The following UBE2G1 variants were observed in gnomAD, a reference collection of about 807,000 sequenced individuals.
UBE2G1 encodes the protein ubiquitin-conjugating enzyme E2 G1.
Under a neutral mutation model 22.7 loss-of-function variants are expected in UBE2G1, and 5 were observed. The ratio of observed to expected loss-of-function variants is 0.22; its 90% CI spans 0.12 to 0.46. UBE2G1 has a LOEUF of 0.46. Ranked by LOEUF, UBE2G1 falls within the 20% of genes least tolerant of loss-of-function variation. UBE2G1 has a pLI of 0.99. For synonymous variants in UBE2G1, 74 were observed against 67.5 expected (o/e 1.10, Z -0.47); for missense variants, 88 against 203.9 (o/e 0.43, Z 3.46).
Position 4,304,564 on chromosome 17 carries a change from C to CGGTT in UBE2G1, c.149+2456_149+2457insAACC, listed in dbSNP as rs747239841. 5.1e-4 allele frequency among the ~76,000 whole-genome samples: 19 copies of CGGTT among 37,370 alleles called. No individual in the cohort carries two copies. The East Asian group carries it at 0.069, about 135-fold the overall frequency. 24.5% of individuals were successfully genotyped at this position (37,370 alleles called of 152,430 possible). A position where few individuals can be genotyped will look rare whatever the true frequency, so the allele number is the denominator to read the frequency against. ...TAGGAGTCTCAAAGTAATCCTTGAA[C>CGGTT]GGTACCGGTTATCAATCACATAGAC... On this transcript the variant is annotated intron_variant, in intron 2 of 5. Transcript: ENST00000396981.
chr17:4,304,801 C>T (rs1175552468), intron 2 of UBE2G1, among the ~76,000 whole-genome samples: 1 of 152,170 alleles, frequency 6.6e-6, no homozygotes, highest in African/African-American at 2.4e-5. Flanking sequence ...CAAGCCTCTA[C>T]TTCCCTTCAC....
At chr17:4,289,188 C>A in intron 4 of UBE2G1, 42 bp downstream of exon 4, 1 of 1,465,590 alleles carries the variant, frequency 6.8e-7, no homozygotes, top group Non-Finnish European at 9.1e-7. Flanking sequence ...GGTTTTATTA[C>A]AAGGGAAAGT....
chr17:4,324,156 TG>T (rs1317791397), intron 1 of UBE2G1, among the ~76,000 whole-genome samples: 1 of 152,156 alleles, frequency 6.6e-6, no homozygotes, highest in Non-Finnish European at 1.5e-5. Context: ...TGATGCAAAA[TG>T]GTATACACAA....
intron 1 of UBE2G1, among the ~76,000 whole-genome samples, chr17:4,362,232 T>TAC (rs1263522442): frequency 6.6e-6 from 1 of 152,206 alleles, no homozygotes; most frequent in Non-Finnish European, 1.5e-5. Context: ...CACAGAGAAA[T>TAC]ACACAACCTA....
intron 1 of UBE2G1, 44 bp from the exon 2 acceptor site, chr17:4,307,167 T>C (rs1969257687): frequency 1.3e-6 from 2 of 1,505,450 alleles, no homozygotes; most frequent in African/African-American, 2.8e-5. Flanking sequence ...AAGCACATAA[T>C]TTGCATCCAG....
chr17:4,287,865 G>A (rs1041752406), intron 4 of UBE2G1, among the ~76,000 whole-genome samples: 11 of 151,830 alleles, frequency 7.2e-5, no homozygotes, highest in Non-Finnish European at 1.6e-4. Flanking sequence ...ACTAGCCTCT[G>A]GATTTAAAAA....
chr17:4,283,698 G>A (rs1434405058), intron 4 of UBE2G1, among the ~76,000 whole-genome samples: 2 of 152,068 alleles, frequency 1.3e-5, no homozygotes. Context: ...TACAAAAATG[G>A]AACAGAACAG....
intron 2 of UBE2G1, among the ~76,000 whole-genome samples, chr17:4,304,953 CTTTTTT>C (rs554912028): frequency 7.3e-6 from 1 of 137,136 alleles, no homozygotes; most frequent in Non-Finnish European, 1.6e-5. Flanking sequence ...TTTTTAAGAA[CTTTTTT>C]TTTTTTTTTT....
At chr17:4,323,466 T>C (rs1406581600) in intron 1 of UBE2G1, among the ~76,000 whole-genome samples, 2 of 152,206 alleles carry the variant, frequency 1.3e-5, no homozygotes, top group East Asian at 3.8e-4. Context: ...TGAAAATGAA[T>C]TAATCAGATA....
At chr17:4,289,524 G>T in intron 3 of UBE2G1, 116 bp from the exon 4 acceptor site, 1 of 1,165,432 alleles carries the variant, frequency 8.6e-7, no homozygotes, top group Non-Finnish European at 1.2e-6. Context: ...TGACACATAC[G>T]CAGAAGTTAA....
chr17:4,366,127 C>T lies in UBE2G1; in HGVS notation c.46+144G>A, dbSNP rs548748268. ...CCGGGCGAGAACGGCTGGGCCCGGCCGGGACCGGAGCCTCGAGGTCCCCAC... is the reference window on the plus strand; with the variant it reads ...CCGGGCGAGAACGGCTGGGCCCGGCTGGGACCGGAGCCTCGAGGTCCCCAC... On this transcript the variant is annotated intron_variant, in intron 1 of 5. Coordinates refer to ENST00000396981, the MANE Select transcript of UBE2G1 (RefSeq NM_003342.5). 2.8e-5 allele frequency: 23 copies of T among 822,744 alleles called. No individual in the cohort carries two copies. The African/African-American group carries it at 3.1e-4, about 11-fold the overall frequency. 51.0% of individuals were successfully genotyped at this position (822,744 alleles called of 1,614,324 possible).
chr17:4,357,726 A>T (rs1284112496), intron 1 of UBE2G1, among the ~76,000 whole-genome samples: 1 of 152,130 alleles, frequency 6.6e-6, no homozygotes, highest in Non-Finnish European at 1.5e-5. Context: ...AAGACCACCC[A>T]TAAAGAAGGA....
intron 1 of UBE2G1, among the ~76,000 whole-genome samples, chr17:4,351,371 AGCAG>A: frequency 6.6e-6 from 1 of 152,368 alleles, no homozygotes; most frequent in African/African-American, 2.4e-5. Flanking sequence ...TGAAGAGGGT[AGCAG>A]GCAACACAAT....
intron 5 of UBE2G1, among the ~76,000 whole-genome samples, chr17:4,282,103 GAT>G (rs1356643729): frequency 6.6e-6 from 1 of 152,138 alleles, no homozygotes; most frequent in Non-Finnish European, 1.5e-5. Flanking sequence ...TTTTTTCTGA[GAT>G]AGAGTCTTGC....
chr17:4,301,764 A>G lies in UBE2G1; in HGVS notation c.150-4950T>C, dbSNP rs77392688. ...AGTGCTCAGCAGTTGCCCAGGACAT[A>G]TGCTGTCAGCTGGTTTAAAGACAAA... is the stretch of plus-strand genomic sequence containing the variant. On this transcript the variant is annotated intron_variant, in intron 2 of 5. Transcript: ENST00000396981. 4.0e-3 allele frequency: 2,489 copies of G among 619,694 alleles called. 45 individuals carry two copies. The African/African-American group carries it at 0.041, about 10-fold the overall frequency. 38.4% of individuals were successfully genotyped at this position (619,694 alleles called of 1,614,324 possible).
At chr17:4,340,271 C>T (rs969205423) in intron 1 of UBE2G1, among the ~76,000 whole-genome samples, 9 of 152,112 alleles carry the variant, frequency 5.9e-5, no homozygotes, top group African/African-American at 2.2e-4. Context: ...CTCCGTCTTG[C>T]CCTAAACTGA....
At chr17:4,337,977 T>C (rs1255334658) in intron 1 of UBE2G1, among the ~76,000 whole-genome samples, 2 of 152,134 alleles carry the variant, frequency 1.3e-5, no homozygotes, top group African/African-American at 4.8e-5. Flanking sequence ...AAGACCATCC[T>C]GGCTAACATG....
intron 4 of UBE2G1, 91 bp from the exon 5 acceptor site, chr17:4,283,012 G>A: frequency 9.0e-7 from 1 of 1,108,370 alleles, no homozygotes; most frequent in South Asian, 1.5e-5. Flanking sequence ...GTAATCCCTT[G>A]GTGATTTGTA....
At chr17:4,277,027 A>G (rs1049795149) in intron 5 of UBE2G1, among the ~76,000 whole-genome samples, 1 of 152,234 alleles carries the variant, frequency 6.6e-6, no homozygotes, top group African/African-American at 2.4e-5. Context: ...TACAGCAGAC[A>G]AGGTTCCCGA....
Sources: gnomAD v4.1 joint callset for allele counts (sites outside exome capture counted in the v4.1 genomes callset) on GRCh38, gnomAD v4.1.1 for gene constraint, MANE v1.5 for transcripts, NCBI Gene and HGNC (gene_info 2026-07-23, HGNC 2026-07-21) for gene names.